ARHGEF4: variants seen among roughly 807,000 people sequenced by gnomAD.
ARHGEF4 encodes APC-stimulated guanine nucleotide exchange factor 1.
ARHGEF4 carries 119 observed loss-of-function variants against 162.0 expected under a neutral mutation model. The ratio of observed to expected loss-of-function variants is 0.73; its 90% CI spans 0.63 to 0.86. The LOEUF (loss-of-function observed/expected upper bound fraction) is 0.86. Among genes scored for constraint, ARHGEF4 ranks in the 40% least tolerant of loss-of-function variants. The probability of loss-of-function intolerance (pLI) is 0.00; values close to 1 mark genes in which losing one functional copy is unlikely to be tolerated. For missense variants in ARHGEF4, 2,488 were observed against 2,456.0 expected, an observed-to-expected ratio of 1.01 and a Z score of -0.28; for synonymous variants, 1,014 against 979.9, an observed-to-expected ratio of 1.03 and a Z score of -0.65.
Position 130,915,996 on chromosome 2 carries a change from C to G in ARHGEF4, c.2050C>G (p.Pro684Ala). Residue 684 changes from proline (P) to alanine (A), a missense_variant, in exon 2 of 14, where the codon CCA (proline) becomes GCA (alanine). Physicochemically the swap from Pro to Ala is conservative, Grantham distance 27 (BLOSUM62 -1). Around this residue, in one of 6 missense-constraint regions of ARHGEF4, gnomAD observed 1,642 missense variants for 1,481.5 expected, o/e 1.11. Coordinates refer to ENST00000409359, the MANE Select transcript of ARHGEF4 (RefSeq NM_001367493.1). ...TGAGTCTCCCACTAGGGGGAAAACA[C>G]CAGCCGGTAATGAGTGTGAGTTGCC... is the stretch of plus-strand genomic sequence containing the variant. ...PCESPTRGKT[P>A]AGNECELPAA... 1 of 1,550,506 alleles carries G rather than the reference C, an allele frequency of 6.4e-7. No homozygotes were observed. The highest frequency in any genetic ancestry group is 1.7e-4 in the Middle Eastern group (1 of 5,992).
intron 2 of ARHGEF4, among the ~76,000 whole-genome samples, chr2:130,922,050 C>A (rs1335142211): frequency 2.0e-5 from 3 of 150,756 alleles, no homozygotes; most frequent in Admixed American, 6.6e-5. Flanking sequence ...CTAAAATAAT[C>A]AAAAAGGTCA....
At chr2:131,029,330 GC>G (rs983961840) in intron 5 of ARHGEF4, among the ~76,000 whole-genome samples, 1 of 152,142 alleles carries the variant, frequency 6.6e-6, no homozygotes, top group African/African-American at 2.4e-5. Flanking sequence ...CTGCACTACA[GC>G]CTGGGCAACA....
At chr2:130,893,320 G>A (rs1679968368) in intron 1 of ARHGEF4, among the ~76,000 whole-genome samples, 1 of 152,162 alleles carries the variant, frequency 6.6e-6, no homozygotes, top group East Asian at 1.9e-4. Context: ...CTGCCTCCTT[G>A]TCTGAGCCCC....
intron 4 of ARHGEF4, among the ~76,000 whole-genome samples, chr2:131,008,436 T>C (rs529841960): frequency 3.9e-5 from 6 of 152,212 alleles, no homozygotes; most frequent in Non-Finnish European, 8.8e-5. Flanking sequence ...GTAGATATTC[T>C]CATGCAACCA....
intron 5 of ARHGEF4, among the ~76,000 whole-genome samples, chr2:131,031,387 G>A (rs546468285): frequency 6.2e-4 from 95 of 152,348 alleles, no homozygotes; most frequent in Middle Eastern, 3.4e-3. Flanking sequence ...GCACACAGAT[G>A]TGTGTGCACG....
At chr2:130,844,652 C>G (rs760977551) in intron 1 of ARHGEF4, among the ~76,000 whole-genome samples, 4 of 152,100 alleles carry the variant, frequency 2.6e-5, no homozygotes, top group Non-Finnish European at 2.9e-5. Context: ...GGTCCACTCT[C>G]CCATAGAGCT....
At chr2:131,038,403 T>G in intron 5 of ARHGEF4, among the ~76,000 whole-genome samples, 1 of 83,160 alleles carries the variant, frequency 1.2e-5, no homozygotes, top group African/African-American at 5.0e-5. Context: ...CTTGCAGCCC[T>G]CAGCCTCTCC....
At chr2:130,994,689 G>T (rs1000707557) in intron 4 of ARHGEF4, among the ~76,000 whole-genome samples, 5 of 152,150 alleles carry the variant, frequency 3.3e-5, no homozygotes, top group African/African-American at 1.2e-4. Flanking sequence ...TTTCTGCCAG[G>T]ATAAAGAAAC....
intron 10 of ARHGEF4, among the ~76,000 whole-genome samples, chr2:131,042,854 T>TG (rs1390293619): frequency 6.6e-6 from 1 of 152,026 alleles, no homozygotes; most frequent in Non-Finnish European, 1.5e-5. Flanking sequence ...AGCCCAAGGG[T>TG]GGATGATGGA....
chr2:130,916,534 C>CTGCA lies in ARHGEF4; in HGVS notation c.2589_2592dup (p.Gly865CysfsTer22). 1 of 1,549,974 alleles carries CTGCA rather than the reference C, an allele frequency of 6.5e-7. No individual in the cohort carries two copies. The highest frequency in any genetic ancestry group is 8.7e-7 in the Non-Finnish European group (1 of 1,146,908). ...GCCTGGCCCGAGTTTGTCCCGCAGG[C>CTGCA]TGCAGGCGACAGGACTGCAGGGCCG... is the stretch of plus-strand genomic sequence containing the variant. On this transcript the variant is annotated frameshift_variant, in exon 2 of 14. Coordinates refer to ENST00000409359, the MANE Select transcript of ARHGEF4 (RefSeq NM_001367493.1). LOFTEE classifies it high-confidence loss of function.
intron 3 of ARHGEF4, among the ~76,000 whole-genome samples, chr2:130,933,399 G>C (rs1298429142): frequency 6.6e-6 from 1 of 151,920 alleles, no homozygotes; most frequent in Admixed American, 6.6e-5. Context: ...AAATTGTTTT[G>C]GCTTTTTGTT....
At chr2:130,840,530 C>T (rs1031073208) in intron 1 of ARHGEF4, among the ~76,000 whole-genome samples, 3 of 152,218 alleles carry the variant, frequency 2.0e-5, no homozygotes, top group African/African-American at 7.2e-5. Flanking sequence ...TAGATCCATC[C>T]AGGTAGTCTT....
In ARHGEF4 at chr2:130,852,425, C is replaced by T. The variant is rs544347910; in HGVS notation, c.39+15433C>T. Among the ~76,000 whole-genome samples, 3 of 151,984 alleles carry T rather than the reference C, an allele frequency of 2.0e-5. No homozygotes were observed. In the East Asian group the frequency reaches 5.8e-4, roughly 30 times the overall value. ...GGCACAAGGCACAACATCGGGGTGC[C>T]GTTCTGCCTCCAGGACCTCCAAGGA... On this transcript the variant is annotated intron_variant, in intron 1 of 13. Transcript: ENST00000409359.
At chr2:131,012,045 C>G in intron 4 of ARHGEF4, 1 of 645,152 alleles carries the variant, frequency 1.6e-6, no homozygotes, top group South Asian at 1.8e-5. Context: ...TTATCCTTGC[C>G]AAGATTTTTG....
intron 1 of ARHGEF4, among the ~76,000 whole-genome samples, chr2:130,855,729 A>C (rs924705901): frequency 1.1e-4 from 16 of 152,234 alleles, no homozygotes; most frequent in African/African-American, 3.6e-4. Context: ...GGAGCCAATC[A>C]ATAGCCAGTG....
chr2:131,044,482 C>T lies in ARHGEF4; in HGVS notation c.5341C>T (p.Gln1781Ter). 6.4e-7 allele frequency: 1 copy of T among 1,552,992 alleles called. No homozygotes were observed. The highest frequency in any genetic ancestry group is 8.7e-7 in the Non-Finnish European group (1 of 1,148,142). ...LLCTRKPEQK[Q>*]RWLKAFARER... ...GTGCACCAGGAAGCCCGAGCAGAAG[C>T]AGCGCTGGCTCAAGGCCTTTGCCAG... is the stretch of plus-strand genomic sequence containing the variant. The change falls in exon 12 of 14, where the codon CAG becomes TAG. Residue 1781 changes from glutamine to a stop codon, truncating the protein, a stop_gained. Transcript: ENST00000409359. LOFTEE classifies it high-confidence loss of function.
chr2:130,989,047 C>T (rs917707442), intron 4 of ARHGEF4, among the ~76,000 whole-genome samples: 1 of 152,006 alleles, frequency 6.6e-6, no homozygotes. Context: ...CTGCAACCTC[C>T]ACCTCCTGGG....
intron 12 of ARHGEF4, 38 bp from the exon 13 acceptor site, chr2:131,045,331 G>T (rs185259932): frequency 2.5e-6 from 4 of 1,590,256 alleles, no homozygotes; most frequent in Non-Finnish European, 3.4e-6. Flanking sequence ...CTGGGGCCAC[G>T]AAGTGGGGCA....
intron 1 of ARHGEF4, among the ~76,000 whole-genome samples, chr2:130,900,355 C>A (rs553219994): frequency 8.5e-5 from 13 of 152,054 alleles, no homozygotes; most frequent in South Asian, 6.2e-4. Context: ...TGAGCTCCAT[C>A]CATTTTTGTT....
Sources: allele counts gnomAD v4.1 joint callset (sites outside exome capture counted in the v4.1 genomes callset), GRCh38; gene constraint gnomAD v4.1.1; regional missense constraint gnomAD v4.1.1; transcripts MANE v1.5; gene names NCBI Gene and HGNC (gene_info 2026-07-23, HGNC 2026-07-21).